The following NUAK1 variants were observed in gnomAD, a reference collection of about 807,000 sequenced individuals.
NUAK1 encodes the protein NUAK family kinase 1.
A neutral mutation model predicts 56.9 loss-of-function variants in NUAK1; 26 were observed. The observed-to-expected ratio is 0.46, with a 90% CI of 0.33 to 0.63. NUAK1 has a LOEUF of 0.63. Among genes scored for constraint, NUAK1 ranks in the 30% least tolerant of loss-of-function variants. The pLI, the probability that NUAK1 is intolerant of heterozygous loss-of-function variation, is 0.02. For synonymous variants in NUAK1, 337 were observed against 336.0 expected (o/e 1.00, Z -0.03); for missense variants, 727 against 876.1 (o/e 0.83, Z 2.15).
intron 4 of NUAK1, among the ~76,000 whole-genome samples, chr12:106,075,003 G>A (rs752592719): frequency 6.6e-6 from 1 of 152,174 alleles, no homozygotes; most frequent in African/African-American, 2.4e-5. Flanking sequence ...CCGCCTGGCA[G>A]TGCCTGGGGC....
intron 4 of NUAK1, among the ~76,000 whole-genome samples, chr12:106,082,451 C>T (rs141274696): frequency 2.3e-4 from 35 of 152,290 alleles, no homozygotes; most frequent in African/African-American, 7.7e-4. Context: ...ACTGTTACCC[C>T]GTTTTACAGC....
Position 106,106,497 on chromosome 12 carries a change from T to C in NUAK1, c.269A>G (p.Lys90Arg). Residue 90 changes from lysine to arginine, a missense_variant, in exon 2 of 7, where the codon AAA (lysine) becomes AGA (arginine). Transcript: ENST00000261402. The part of the protein sequence containing the change: ...VVAIKSIRKD[K>R]IKDEQDMVHI... Reference sequence around the variant, plus strand: ...AACCATGTCTTGTTCATCCTTAATTTTGTCCTTACGAATGGATTTTATAGC... The same window carrying C: ...AACCATGTCTTGTTCATCCTTAATTCTGTCCTTACGAATGGATTTTATAGC... 6.2e-7 allele frequency: 1 copy of C among 1,613,408 alleles called. No homozygotes were observed. The highest frequency in any genetic ancestry group is 8.5e-7 in the Non-Finnish European group (1 of 1,179,726).
rs937615906 is a variant in NUAK1 at position 106,095,597 on chromosome 12, C to T, written c.362-8712G>A. Among the ~76,000 whole-genome samples the T allele has an allele frequency of 2.0e-5, 3 of 152,290 alleles. No homozygotes were observed. In the East Asian group the frequency reaches 5.8e-4, roughly 29 times the overall value. On this transcript the variant is annotated intron_variant, in intron 2 of 6. Coordinates refer to ENST00000261402, the MANE Select transcript of NUAK1 (RefSeq NM_014840.3). ...ATATTAGCACACAGCAGCAAGTGTACGCAGAAGTGTTAGCTGTTCCGATTC... is the reference window on the plus strand; with the variant it reads ...ATATTAGCACACAGCAGCAAGTGTATGCAGAAGTGTTAGCTGTTCCGATTC...
chr12:106,073,212 G>A (rs948373646), intron 4 of NUAK1, among the ~76,000 whole-genome samples: 1 of 152,182 alleles, frequency 6.6e-6, no homozygotes, highest in Non-Finnish European at 1.5e-5. Flanking sequence ...ACATTAAAGT[G>A]TGTAACTATT....
chr12:106,063,459 T>C lies in NUAK1; in HGVS notation c.*3343A>G, dbSNP rs2032302793. 1 of 152,582 alleles carries C rather than the reference T, an allele frequency of 6.6e-6. No individual in the cohort carries two copies. Among genetic ancestry groups the C allele is most frequent in the South Asian group, 2.1e-4 (1 of 4,824 alleles). 9.5% of individuals were successfully genotyped at this position (152,582 alleles called of 1,614,324 possible). A position where few individuals can be genotyped will look rare whatever the true frequency, so the allele number is the denominator to read the frequency against. On this transcript the variant is annotated 3_prime_UTR_variant, in exon 7 of 7. Transcript: ENST00000261402. ...ACACTTTGGGTGGTTATCCAGCTTGTTTTTCCCCTGTAGGCTGTTCTGGGC... is the reference window on the plus strand; with the variant it reads ...ACACTTTGGGTGGTTATCCAGCTTGCTTTTCCCCTGTAGGCTGTTCTGGGC...
At chr12:106,075,915 T>C (rs1226902112) in intron 4 of NUAK1, among the ~76,000 whole-genome samples, 1 of 152,234 alleles carries the variant, frequency 6.6e-6, no homozygotes, top group Admixed American at 6.5e-5. Flanking sequence ...CAGAATGCTA[T>C]TTGGTTTCCA....
chr12:106,083,745 C>T (rs1399029235), intron 4 of NUAK1, 119 bp downstream of exon 4: 9 of 802,314 alleles, frequency 1.1e-5, no homozygotes, highest in Admixed American at 8.0e-5. Context: ...TCTTCCCCAC[C>T]AGCCTGCCAG....
intron 2 of NUAK1, among the ~76,000 whole-genome samples, chr12:106,095,963 G>T (rs1174903121): frequency 6.6e-6 from 1 of 152,112 alleles, no homozygotes; most frequent in African/African-American, 2.4e-5. Context: ...GACTCGGCAG[G>T]TTAAAAGTTA....
At chr12:106,124,235 A>G (rs1217257782) in intron 1 of NUAK1, among the ~76,000 whole-genome samples, 8 of 152,154 alleles carry the variant, frequency 5.3e-5, no homozygotes, top group African/African-American at 1.9e-4. Context: ...ATAATAATAA[A>G]CCATCCCAAT....
chr12:106,124,611 T>C (rs2033008405), intron 1 of NUAK1, among the ~76,000 whole-genome samples: 1 of 152,148 alleles, frequency 6.6e-6, no homozygotes, highest in South Asian at 2.1e-4. Context: ...TAGAAGCGGC[T>C]GGAATGTAAG....
intron 3 of NUAK1, 193 bp from the exon 4 acceptor site, chr12:106,084,122 G>C (rs1390556020): frequency 1.7e-6 from 1 of 593,638 alleles, no homozygotes; most frequent in Admixed American, 2.8e-5. Context: ...ACCAACCAGC[G>C]ACAGGAGAGC....
Position 106,138,385 on chromosome 12 carries a change from C to T in NUAK1, c.240+29G>A, listed in dbSNP as rs1345985727. 1 of 1,579,572 alleles carries T rather than the reference C, an allele frequency of 6.3e-7. No individual in the cohort carries two copies. The highest frequency in any genetic ancestry group is 1.4e-5 in the African/African-American group (1 of 74,000). On this transcript the variant is annotated intron_variant, in intron 1 of 6. Transcript: ENST00000261402. This position sits in a 1 kb window ranked among gnomAD's most constrained non-coding sequence, Gnocchi z 5.0. ...CCCCGGCCGCGTCCACCCAGCGCCC[C>T]CCGCACCCTCCAGGATTGCCCCACT...
chr12:106,100,568 C>T (rs1352881403), intron 2 of NUAK1, among the ~76,000 whole-genome samples: 1 of 152,238 alleles, frequency 6.6e-6, no homozygotes. Flanking sequence ...TCTTTAATGG[C>T]AGTTCCAAGA....
chr12:106,072,511 G>T (rs149242824), intron 5 of NUAK1, among the ~76,000 whole-genome samples: 5 of 152,140 alleles, frequency 3.3e-5, no homozygotes. Flanking sequence ...GGGATGGCAG[G>T]TACCTTTATT....
Position 106,138,503 on chromosome 12 carries a change from AG to A in NUAK1, c.150del (p.Leu51Ter), listed in dbSNP as rs1435708470. ...TCCTGCAGCTCGTAGCGGTGCTTCAAGTTGTGCTTGTGGTGATGCCGCTTCA... is the reference window on the plus strand; with the variant it reads ...TCCTGCAGCTCGTAGCGGTGCTTCAATTGTGCTTGTGGTGATGCCGCTTCA... ...HGVKRHHHKH[N>X]LKHRYELQET... On this transcript the variant is annotated frameshift_variant, in exon 1 of 7. Coordinates refer to ENST00000261402, the MANE Select transcript of NUAK1 (RefSeq NM_014840.3). LOFTEE classifies it high-confidence loss of function. The surrounding 1 kb of genome is among the most constrained non-coding windows in gnomAD (Gnocchi z 5.0). 1 of 1,613,110 alleles carries A rather than the reference AG, an allele frequency of 6.2e-7. No homozygotes were observed. Among genetic ancestry groups the A allele is most frequent in the Non-Finnish European group, 8.5e-7 (1 of 1,179,778 alleles).
chr12:106,128,495 A>G (rs1167544160), intron 1 of NUAK1, among the ~76,000 whole-genome samples: 5 of 152,174 alleles, frequency 3.3e-5, no homozygotes, highest in African/African-American at 7.2e-5. Flanking sequence ...AGACTGGGAC[A>G]TGAGTGACCT....
intron 4 of NUAK1, among the ~76,000 whole-genome samples, chr12:106,078,393 CAG>C (rs1480365840): frequency 3.6e-4 from 55 of 152,318 alleles, no homozygotes; most frequent in African/African-American, 1.3e-3. Context: ...AACTGAGGCA[CAG>C]GGTGGTAAAC....
chr12:106,108,356 G>GTGGACCCATGGC lies in NUAK1; in HGVS notation c.241-1843_241-1832dup, dbSNP rs1247475412. Reference sequence around the variant, plus strand: ...AGGCTCCACCTCCCTTCGACCCTGGGTGGACCCATGGCTGGATAGAAGGAG... The same window carrying GTGGACCCATGGC: ...AGGCTCCACCTCCCTTCGACCCTGGGTGGACCCATGGCTGGACCCATGGCTGGATAGAAGGAG... On this transcript the variant is annotated intron_variant, in intron 1 of 6. Coordinates refer to ENST00000261402, the MANE Select transcript of NUAK1 (RefSeq NM_014840.3). 9.2e-5 allele frequency among the ~76,000 whole-genome samples: 14 copies of GTGGACCCATGGC among 152,288 alleles called. 1 individual carries two copies. The highest frequency in any genetic ancestry group is 3.1e-4 in the African/African-American group (13 of 41,560).
intron 3 of NUAK1, 37 bp from the exon 4 acceptor site, chr12:106,083,966 C>T (rs755603543): frequency 1.6e-5 from 25 of 1,559,350 alleles, no homozygotes; most frequent in South Asian, 2.2e-5. Flanking sequence ...TGAATGGGAG[C>T]GGCTGGGATG....
Sources: allele counts gnomAD v4.1 joint callset (sites outside exome capture counted in the v4.1 genomes callset), GRCh38; gene constraint gnomAD v4.1.1; non-coding constraint Gnocchi (gnomAD v3.1); transcripts MANE v1.5; gene names NCBI Gene and HGNC (gene_info 2026-07-23, HGNC 2026-07-21).